The following SOS2 variants were observed in gnomAD, a reference collection of about 807,000 sequenced individuals.
The protein encoded by SOS2 is SOS Ras/Rho guanine nucleotide exchange factor 2, also known as son of sevenless homolog 2.
SOS2 carries 65 observed loss-of-function variants against 148.2 expected under a neutral mutation model. That is an observed-to-expected ratio of 0.44 (90% CI 0.36 to 0.54). The LOEUF is 0.54. SOS2 is among the 20% of genes least tolerant of loss of function. The pLI, the probability that SOS2 is intolerant of heterozygous loss-of-function variation, is 0.00. For synonymous variants in SOS2, 539 were observed against 537.1 expected, an observed-to-expected ratio of 1.00 and a Z score of -0.05; for missense variants, 1,341 against 1,590.2, an observed-to-expected ratio of 0.84 and a Z score of 2.67.
intron 5 of SOS2, among the ~76,000 whole-genome samples, chr14:50,188,216 A>G (rs1250260762): frequency 6.6e-6 from 1 of 152,136 alleles, no homozygotes; most frequent in African/African-American, 2.4e-5. Context: ...CAGCCTGGCC[A>G]ATATGAAGAA....
intron 8 of SOS2, among the ~76,000 whole-genome samples, chr14:50,166,552 C>G (rs1291270958): frequency 6.6e-6 from 1 of 152,152 alleles, no homozygotes; most frequent in East Asian, 1.9e-4. Flanking sequence ...TCTTATGAAC[C>G]TAGCTGAAGA....
intron 7 of SOS2, among the ~76,000 whole-genome samples, chr14:50,178,049 T>C (rs1885583833): frequency 2.0e-5 from 3 of 152,124 alleles, no homozygotes; most frequent in South Asian, 4.1e-4. Flanking sequence ...ATAATAGCTA[T>C]AATAATTAAG....
chr14:50,202,284 A>G (rs1190254773), intron 2 of SOS2, among the ~76,000 whole-genome samples: 1 of 152,202 alleles, frequency 6.6e-6, no homozygotes, highest in Admixed American at 6.5e-5. Flanking sequence ...ATTTTAATTT[A>G]ATCAGTGATT....
intron 1 of SOS2, among the ~76,000 whole-genome samples, chr14:50,222,003 G>A (rs1299023105): frequency 6.6e-6 from 1 of 152,002 alleles, no homozygotes; most frequent in East Asian, 1.9e-4. Context: ...GAATTATGCA[G>A]GGGAAATATA....
At chr14:50,180,103 A>G (rs1188900901) in intron 7 of SOS2, among the ~76,000 whole-genome samples, 1 of 151,572 alleles carries the variant, frequency 6.6e-6, no homozygotes, top group East Asian at 1.9e-4. Flanking sequence ...CTTCCGGGTC[A>G]AGTGATTCTC....
intron 9 of SOS2, among the ~76,000 whole-genome samples, chr14:50,161,001 A>G (rs12890684): frequency 0.3 from 45,091 of 148,056 alleles, 7,783 homozygotes; most frequent in Middle Eastern, 0.42. Context: ...ACAGAGTGAG[A>G]CCCTGTCTCT....
intron 1 of SOS2, among the ~76,000 whole-genome samples, chr14:50,225,519 T>C (rs1454249183): frequency 1.3e-5 from 2 of 152,160 alleles, no homozygotes; most frequent in Admixed American, 6.6e-5. Context: ...AAACCAAAAA[T>C]AGAAGGCTAC....
chr14:50,132,354 TAAAAAAAA>T (rs886376742), intron 19 of SOS2, among the ~76,000 whole-genome samples: 1 of 62,980 alleles, frequency 1.6e-5, no homozygotes, highest in Non-Finnish European at 2.8e-5. Context: ...CTATTGCCAT[TAAAAAAAA>T]AAAAAAAAAA....
At chr14:50,125,564 G>A (rs1409010646) in intron 21 of SOS2, among the ~76,000 whole-genome samples, 2 of 150,222 alleles carry the variant, frequency 1.3e-5, no homozygotes, top group Non-Finnish European at 3.0e-5. Flanking sequence ...AATTCATGAA[G>A]GTAGATTATA....
chr14:50,130,015 G>T lies in SOS2; in HGVS notation c.3338-13C>A. ...ATGCTATTGCTGCCTATTGGAATAA[G>T]AAAAATTAATTTGAAAAGGAAGGTA... On this transcript the variant is annotated splice_polypyrimidine_tract_variant and intron_variant, in intron 20 of 22. Coordinates refer to ENST00000216373, the MANE Select transcript of SOS2 (RefSeq NM_006939.4). 1 of 1,567,344 alleles carries T rather than the reference G, an allele frequency of 6.4e-7. No individual in the cohort carries two copies. Among genetic ancestry groups the T allele is most frequent in the South Asian group, 1.1e-5 (1 of 87,684 alleles).
At chr14:50,152,225 G>A (rs1053867831) in intron 13 of SOS2, among the ~76,000 whole-genome samples, 1 of 151,974 alleles carries the variant, frequency 6.6e-6, no homozygotes, top group Non-Finnish European at 1.5e-5. Flanking sequence ...AAACATAAAT[G>A]TTCTTGATTC....
At chr14:50,198,366 A>C (rs1418625497) in intron 4 of SOS2, among the ~76,000 whole-genome samples, 3 of 152,060 alleles carry the variant, frequency 2.0e-5, no homozygotes, top group African/African-American at 7.2e-5. Context: ...AAAAAAAAAA[A>C]AGTAGCCATA....
At chr14:50,208,810 GA>G (rs1180114643) in intron 1 of SOS2, among the ~76,000 whole-genome samples, 1 of 152,150 alleles carries the variant, frequency 6.6e-6, no homozygotes, top group African/African-American at 2.4e-5. Flanking sequence ...AGTAAACCAA[GA>G]AAAAGAAAAT....
rs776974537 is a variant in SOS2, at chr14:50,200,918, G to T, written c.345+35C>A. ...GAAATAAAATATTACTTGTTATAAA[G>T]AACACCCCCCAACTAATGTTTAATC... is the stretch of plus-strand genomic sequence containing the variant. On this transcript the variant is annotated intron_variant, in intron 3 of 22. Transcript: ENST00000216373. 1.9e-6 allele frequency: 3 copies of T among 1,598,548 alleles called. No individual in the cohort carries two copies. The Admixed American group carries it at 5.0e-5, about 27-fold the overall frequency.
chr14:50,162,039 A>C (rs1885026510), intron 8 of SOS2, among the ~76,000 whole-genome samples: 1 of 151,492 alleles, frequency 6.6e-6, no homozygotes, highest in African/African-American at 2.4e-5. Context: ...ATGAGCCACC[A>C]GTCCTGGCCC....
intron 21 of SOS2, among the ~76,000 whole-genome samples, chr14:50,123,071 G>C (rs1207114301): frequency 1.3e-5 from 2 of 152,198 alleles, no homozygotes; most frequent in Non-Finnish European, 2.9e-5. Context: ...TTGGAAAGGG[G>C]TATAGAAAGA....
chr14:50,121,862 C>A lies in SOS2; in HGVS notation c.3380-1478G>T, dbSNP rs117522895. On this transcript the variant is annotated intron_variant, in intron 21 of 22. Transcript: ENST00000216373. ...TCAGACCTGCCAGCATTGTTTGTCC[C>A]GTCTTTGGGAGAACTCCTTTCGGTG... Among the ~76,000 whole-genome samples, 531 of 152,238 alleles carry A rather than the reference C, an allele frequency of 3.5e-3. 3 individuals are homozygous for A. Among genetic ancestry groups the A allele is most frequent in the Admixed American group, 5.6e-3 (85 of 15,294 alleles).
chr14:50,224,170 A>T (rs1887281796), intron 1 of SOS2, among the ~76,000 whole-genome samples: 2 of 151,742 alleles, frequency 1.3e-5, no homozygotes, highest in African/African-American at 2.4e-5. Flanking sequence ...GCGCGCCTGT[A>T]ATCCCAGCTA....
intron 19 of SOS2, among the ~76,000 whole-genome samples, chr14:50,132,767 C>T (rs1025010226): frequency 1.3e-5 from 2 of 152,172 alleles, no homozygotes; most frequent in African/African-American, 4.8e-5. Flanking sequence ...ACAATAACAT[C>T]TGCTTACTAT....
Sources: allele counts gnomAD v4.1 joint callset (sites outside exome capture counted in the v4.1 genomes callset), GRCh38; gene constraint gnomAD v4.1.1; transcripts MANE v1.5; gene names NCBI Gene and HGNC (gene_info 2026-07-23, HGNC 2026-07-21).